Variants in TTLL11 observed in about 807,000 individuals in gnomAD.
The protein encoded by TTLL11 is tubulin polyglutamylase TTLL11.
A neutral mutation model predicts 51.7 loss-of-function variants in TTLL11; 42 were observed. The observed-to-expected ratio is 0.81, with a 90% confidence interval of 0.64 to 1.05. TTLL11 has a LOEUF of 1.05. TTLL11 is among the 50% of genes least tolerant of loss of function. The pLI, the probability that TTLL11 is intolerant of heterozygous loss-of-function variation, is 0.00. For missense variants in TTLL11, 799 were observed against 940.4 expected, an observed-to-expected ratio of 0.85 and a Z score of 1.97; for synonymous variants, 381 against 383.5, an observed-to-expected ratio of 0.99 and a Z score of 0.08.
At chr9:121,852,805 A>G (rs2131370643) in intron 8 of TTLL11, among the ~76,000 whole-genome samples, 1 of 152,232 alleles carries the variant, frequency 6.6e-6, no homozygotes, top group Non-Finnish European at 1.5e-5. Flanking sequence ...GACGCCAACT[A>G]TTTTGTAAGC....
intron 3 of TTLL11, among the ~76,000 whole-genome samples, chr9:122,027,163 G>A (rs748365923): frequency 6.6e-6 from 1 of 152,148 alleles, no homozygotes; most frequent in Non-Finnish European, 1.5e-5. Context: ...AGAGAGAAAG[G>A]AGGGAGGTGC....
intron 7 of TTLL11, among the ~76,000 whole-genome samples, chr9:121,861,279 G>A (rs1394022930): frequency 6.6e-6 from 1 of 152,104 alleles, no homozygotes; most frequent in African/African-American, 2.4e-5. Flanking sequence ...GTTTCACCAT[G>A]TTGGCCAGGC....
At chr9:122,070,807 G>T (rs1845706615) in intron 1 of TTLL11, among the ~76,000 whole-genome samples, 1 of 152,170 alleles carries the variant, frequency 6.6e-6, no homozygotes. Flanking sequence ...CAGACAGAGG[G>T]GTTCCTACCT....
intron 8 of TTLL11, among the ~76,000 whole-genome samples, chr9:121,854,650 T>C (rs1226489743): frequency 6.6e-6 from 1 of 152,192 alleles, no homozygotes; most frequent in African/African-American, 2.4e-5. Flanking sequence ...TTGCCTTTAA[T>C]TGCCTAATCT....
intron 8 of TTLL11, among the ~76,000 whole-genome samples, chr9:121,833,430 G>A (rs574856307): frequency 5.4e-4 from 83 of 152,302 alleles, no homozygotes; most frequent in Admixed American, 1.6e-3. Context: ...AACACTGGGA[G>A]CTGCTCACCA....
intron 3 of TTLL11, among the ~76,000 whole-genome samples, chr9:122,012,678 GCA>G (rs375690929): frequency 0.076 from 10,757 of 142,024 alleles, 738 homozygotes; most frequent in African/African-American, 0.17. Flanking sequence ...ACACACACAC[GCA>G]CACACACACA....
intron 1 of TTLL11, among the ~76,000 whole-genome samples, chr9:122,065,667 T>C (rs907229568): frequency 3.9e-5 from 6 of 152,088 alleles, no homozygotes; most frequent in Non-Finnish European, 8.8e-5. Flanking sequence ...TAGACAAACA[T>C]AGATAAATTA....
chr9:121,938,427 C>T (rs536778054), intron 6 of TTLL11, among the ~76,000 whole-genome samples: 3 of 151,326 alleles, frequency 2.0e-5, no homozygotes, highest in Non-Finnish European at 4.4e-5. Flanking sequence ...TCTTTGCAAA[C>T]AAAAAATAAG....
intron 8 of TTLL11, among the ~76,000 whole-genome samples, chr9:121,823,625 G>A (rs958489738): frequency 6.6e-6 from 1 of 152,158 alleles, no homozygotes; most frequent in Non-Finnish European, 1.5e-5. Flanking sequence ...AGATAAACCC[G>A]GTTTGACGGC....
intron 6 of TTLL11, among the ~76,000 whole-genome samples, chr9:121,970,747 G>A (rs904893963): frequency 1.3e-5 from 2 of 152,208 alleles, no homozygotes. Context: ...TTACACTGTT[G>A]GTGGGAGTGT....
chr9:122,061,688 A>G (rs1845437387), intron 1 of TTLL11, among the ~76,000 whole-genome samples: 1 of 151,788 alleles, frequency 6.6e-6, no homozygotes. Context: ...CCCAGGCTGG[A>G]GTGCAGTGGT....
At chr9:122,006,987 A>AC (rs1360563080) in intron 3 of TTLL11, among the ~76,000 whole-genome samples, 1 of 135,906 alleles carries the variant, frequency 7.4e-6, no homozygotes, top group East Asian at 2.0e-4. Flanking sequence ...CTGTCAAAAA[A>AC]AAAAAAAAAA....
intron 6 of TTLL11, among the ~76,000 whole-genome samples, chr9:121,913,837 T>C (rs540556470): frequency 1.3e-5 from 2 of 152,328 alleles, no homozygotes; most frequent in South Asian, 2.1e-4. Flanking sequence ...TGGTATTCCC[T>C]GGACAGGGCT....
In TTLL11 at chr9:121,895,942, T is replaced by G. The variant is rs1488415318; in HGVS notation, c.1482-25194A>C. ...TGTGGGTGTGTCTGTGTGGGTGTGTTTGTGTGGGTGTGGGTGTGTGGGTGT... is the reference window on the plus strand; with the variant it reads ...TGTGGGTGTGTCTGTGTGGGTGTGTGTGTGTGGGTGTGGGTGTGTGGGTGT... On this transcript the variant is annotated intron_variant, in intron 6 of 8. Coordinates refer to ENST00000321582, the MANE Select transcript of TTLL11 (RefSeq NM_001139442.2). Among the ~76,000 whole-genome samples the G allele has an allele frequency of 8.6e-4, 12 of 13,908 alleles. No homozygotes were observed. The South Asian group carries it at 0.011, about 13-fold the overall frequency. 9.1% of individuals were successfully genotyped at this position (13,908 alleles called of 152,430 possible).
At chr9:122,010,543 A>G (rs1442642031) in intron 3 of TTLL11, among the ~76,000 whole-genome samples, 1 of 152,254 alleles carries the variant, frequency 6.6e-6, no homozygotes, top group East Asian at 1.9e-4. Context: ...TGACCTACAA[A>G]GCTGAAAAGA....
At chr9:121,992,127 C>T (rs966653286) in intron 3 of TTLL11, among the ~76,000 whole-genome samples, 1 of 152,172 alleles carries the variant, frequency 6.6e-6, no homozygotes, top group African/African-American at 2.4e-5. Context: ...TCTGTAGATC[C>T]TGAGTTGGCC....
chr9:121,930,423 C>A (rs1159250304), intron 6 of TTLL11, among the ~76,000 whole-genome samples: 1 of 152,190 alleles, frequency 6.6e-6, no homozygotes, highest in Non-Finnish European at 1.5e-5. Context: ...AGTATAGATA[C>A]AAATTGGTTC....
chr9:121,852,118 C>T (rs550423467), intron 8 of TTLL11, among the ~76,000 whole-genome samples: 2 of 152,354 alleles, frequency 1.3e-5, no homozygotes, highest in African/African-American at 4.8e-5. Flanking sequence ...TGGTTTCCTC[C>T]TCTGTATATA....
In TTLL11 at chr9:122,093,229, CGCCGCTGCA is replaced by C. The variant is rs1451196810; in HGVS notation, c.-90_-82del. 6.7e-7 allele frequency: 1 copy of C among 1,494,218 alleles called. No homozygotes were observed. Among genetic ancestry groups the C allele is most frequent in the Non-Finnish European group, 8.8e-7 (1 of 1,132,048 alleles). The allele number at this position is 1,494,218 out of a possible 1,614,324, so 92.6% of individuals were successfully genotyped here. A position where few individuals can be genotyped will look rare whatever the true frequency, so the allele number is the denominator to read the frequency against. Reference sequence around the variant, plus strand: ...CCGCCCCAGTCCGCCACCAAACTGCCGCCGCTGCAGCCGCTGCCACGCGTTCCCCGCCCG... The same window carrying C: ...CCGCCCCAGTCCGCCACCAAACTGCCGCCGCTGCCACGCGTTCCCCGCCCG... On this transcript the variant is annotated 5_prime_UTR_variant, in exon 1 of 9. Transcript: ENST00000321582.
Sources: allele counts gnomAD v4.1 joint callset (sites outside exome capture counted in the v4.1 genomes callset), GRCh38; gene constraint gnomAD v4.1.1; transcripts MANE v1.5; gene names NCBI Gene and HGNC (gene_info 2026-07-23, HGNC 2026-07-21).